Variants in AKR1C3 observed in about 807,000 individuals in gnomAD.
AKR1C3 encodes 3-alpha hydroxysteroid dehydrogenase, type II.
Under a neutral mutation model 43.6 loss-of-function variants are expected in AKR1C3, and 48 were observed. The observed-to-expected ratio is 1.10, with a 90% CI of 0.87 to 1.40. The LOEUF (loss-of-function observed/expected upper bound fraction) is 1.40. Among genes scored for constraint, AKR1C3 ranks in the 40% most tolerant of loss-of-function variants. AKR1C3 has a pLI of 0.00. For synonymous variants in AKR1C3, 162 were observed against 139.6 expected (o/e 1.16, Z -1.13); for missense variants, 482 against 391.2 (o/e 1.23, Z -1.96).
rs781824374 is a variant in AKR1C3, at chr10:5,105,628, A to G, written c.880A>G (p.Lys294Glu). 1.8e-5 allele frequency: 29 copies of G among 1,614,008 alleles called. No homozygotes were observed. The highest frequency in any genetic ancestry group is 2.2e-5 in the Non-Finnish European group (26 of 1,179,968). Reference sequence around the variant, plus strand: ...GTTCCAGTTGACTGCAGAGGACATGAAAGCCATAGATGGCCTAGACAGAAA... The same window carrying G: ...GTTCCAGTTGACTGCAGAGGACATGGAAGCCATAGATGGCCTAGACAGAAA... ...FEFQLTAEDMKAIDGLDRNLH... is the reference protein window; with the variant it reads ...FEFQLTAEDMEAIDGLDRNLH... The change falls in exon 8 of 9, where the codon AAA (lysine) becomes GAA (glutamate). Residue 294 changes from lysine to glutamate, a missense_variant. By Grantham distance (56) the Lys-to-Glu change is moderately conservative. Coordinates refer to ENST00000380554, the MANE Select transcript of AKR1C3 (RefSeq NM_003739.6).
At chr10:5,102,035 C>T (rs1355417784) in intron 5 of AKR1C3, 66 bp from the exon 6 acceptor site, 6 of 1,042,294 alleles carry the variant, frequency 5.8e-6, no homozygotes, top group Non-Finnish European at 3.0e-6. Context: ...TCCTTACTTT[C>T]ATCTTTTCAA....
At chr10:5,104,943 T>TTC (rs1216127071) in intron 7 of AKR1C3, among the ~76,000 whole-genome samples, 14 of 152,178 alleles carry the variant, frequency 9.2e-5, no homozygotes, top group Admixed American at 7.9e-4. Context: ...ATGTTTTTTA[T>TTC]TCTCTCTCTC....
At chr10:5,100,896 TTA>T (rs1839333027) in intron 5 of AKR1C3, among the ~76,000 whole-genome samples, 3 of 151,808 alleles carry the variant, frequency 2.0e-5, no homozygotes, top group African/African-American at 7.3e-5. Context: ...TGGCAAATGT[TTA>T]TGTGGGTATA....
intron 1 of AKR1C3, among the ~76,000 whole-genome samples, chr10:5,074,866 C>T (rs1419789384): frequency 6.6e-6 from 1 of 152,180 alleles, no homozygotes; most frequent in East Asian, 1.9e-4. Flanking sequence ...CGATTGTTCA[C>T]CTACCCCATT....
intron 1 of AKR1C3, among the ~76,000 whole-genome samples, chr10:5,087,770 A>G (rs1371970445): frequency 6.6e-6 from 1 of 151,882 alleles, no homozygotes; most frequent in African/African-American, 2.4e-5. Flanking sequence ...TCAAAGAACC[A>G]AATTTTTGTC....
intron 5 of AKR1C3, chr10:5,099,856 TAGAATA>T (rs1839303947): frequency 5.8e-6 from 1 of 171,570 alleles, no homozygotes; most frequent in Admixed American, 5.6e-5. Context: ...AACAGAGAGT[TAGAATA>T]AGAGAAGAGA....
chr10:5,054,271 G>A (rs1273876329), intron 1 of AKR1C3, among the ~76,000 whole-genome samples: 3 of 152,202 alleles, frequency 2.0e-5, no homozygotes, highest in African/African-American at 7.2e-5. Context: ...CAAACTGTCT[G>A]AGAAATCCTT....
intron 5 of AKR1C3, 104 bp from the exon 6 acceptor site, chr10:5,101,997 A>G (rs1839363144): frequency 2.9e-6 from 2 of 700,324 alleles, no homozygotes; most frequent in Admixed American, 2.8e-5. Flanking sequence ...CAGCTCAAAT[A>G]TAATGCTATA....
chr10:5,105,424 C>A, intron 7 of AKR1C3, 171 bp from the exon 8 acceptor site: 1 of 519,876 alleles, frequency 1.9e-6, no homozygotes, highest in Non-Finnish European at 3.5e-6. Flanking sequence ...TGGATTTCTG[C>A]TTATTTTTCG....
intron 8 of AKR1C3, among the ~76,000 whole-genome samples, chr10:5,105,969 T>C (rs1839490575): frequency 1.3e-5 from 2 of 152,210 alleles, no homozygotes; most frequent in African/African-American, 4.8e-5. Context: ...TTTCTACCAC[T>C]GGACATGCTG....
At chr10:5,094,642 TCTAGGTTTCCTAGG>T in intron 1 of AKR1C3, 114 bp downstream of exon 1, 1 of 1,181,170 alleles carries the variant, frequency 8.5e-7, no homozygotes, top group Non-Finnish European at 1.2e-6. Context: ...GACTCACTGG[TCTAGGTTTCCTAGG>T]CTAGGAGAAA....
Position 5,099,349 on chromosome 10 carries a change from C to A in AKR1C3, c.470C>A (p.Ala157Glu), listed in dbSNP as rs370932816. 20 of 1,614,034 alleles carry A rather than the reference C, an allele frequency of 1.2e-5. No individual in the cohort carries two copies. The highest frequency in any genetic ancestry group is 1.6e-5 in the Non-Finnish European group (19 of 1,180,034). The change falls in exon 5 of 9, where the codon GCA becomes GAA. Residue 157 changes from alanine to glutamate, a missense_variant. By Grantham distance (107) the Ala-to-Glu change is moderately radical. Transcript: ENST00000380554. ...CAGGCCATGGAGAAGTGTAAGGATG[C>A]AGGATTGGCCAAGTCCATTGGGGTG... ...TWEAMEKCKDAGLAKSIGVSN... is the reference protein window; with the variant it reads ...TWEAMEKCKDEGLAKSIGVSN...
Position 5,095,937 on chromosome 10 carries a change from C to T in AKR1C3, c.85-473C>T, listed in dbSNP as rs1194064841. Among the ~76,000 whole-genome samples, 3 of 152,196 alleles carry T rather than the reference C, an allele frequency of 2.0e-5. No individual in the cohort carries two copies. In the South Asian group the frequency reaches 6.2e-4, roughly 32 times the overall value. On this transcript the variant is annotated intron_variant, in intron 1 of 8. Coordinates refer to ENST00000380554, the MANE Select transcript of AKR1C3 (RefSeq NM_003739.6). ...GATGTAACTAGCATCCAGTCAAAAT[C>T]TCAAGAACTGAGACACCAAAGAACA...
chr10:5,077,834 CAT>C (rs1216567800), intron 1 of AKR1C3: 4 of 517,538 alleles, frequency 7.7e-6, no homozygotes, highest in Non-Finnish European at 1.3e-5. Flanking sequence ...GTAAAAATAA[CAT>C]ATAAAAACTG....
At chr10:5,087,554 T>G (rs1349659388) in intron 1 of AKR1C3, among the ~76,000 whole-genome samples, 1 of 151,870 alleles carries the variant, frequency 6.6e-6, no homozygotes, top group African/African-American at 2.4e-5. Context: ...TTTTGTATTT[T>G]TAGTAGAGGC....
intron 1 of AKR1C3, among the ~76,000 whole-genome samples, chr10:5,061,793 C>G (rs782169437): frequency 5.9e-5 from 9 of 152,116 alleles, no homozygotes; most frequent in Non-Finnish European, 1.5e-5. Context: ...CAGAAATATA[C>G]TATTAATTTA....
upstream of AKR1C3, among the ~76,000 whole-genome samples, chr10:5,091,363 G>A (rs1839085173): frequency 6.6e-6 from 1 of 152,134 alleles, no homozygotes; most frequent in Non-Finnish European, 1.5e-5. Flanking sequence ...GAATTCCAAA[G>A]TCTGGTTCAA....
intron 1 of AKR1C3, among the ~76,000 whole-genome samples, chr10:5,056,585 C>T (rs1167371844): frequency 1.3e-5 from 2 of 152,052 alleles, no homozygotes; most frequent in Non-Finnish European, 2.9e-5. Flanking sequence ...GGGATATTGC[C>T]TTTGATAAGG....
At chr10:5,104,092 T>A (rs1322936453) in intron 7 of AKR1C3, among the ~76,000 whole-genome samples, 2 of 152,012 alleles carry the variant, frequency 1.3e-5, no homozygotes, top group African/African-American at 4.8e-5. Context: ...TGTAGTTATG[T>A]ATTCATGAAC....
Sources: allele counts gnomAD v4.1 joint callset (sites outside exome capture counted in the v4.1 genomes callset), GRCh38; gene constraint gnomAD v4.1.1; transcripts MANE v1.5; gene names NCBI Gene and HGNC (gene_info 2026-07-23, HGNC 2026-07-21).